The following POLR3G variants were observed in gnomAD, a reference collection of about 807,000 sequenced individuals.
POLR3G encodes the protein DNA-directed RNA polymerase III subunit RPC7.
A neutral mutation model predicts 30.1 loss-of-function variants in POLR3G; 28 were observed. That is an observed-to-expected ratio of 0.93 (90% CI 0.69 to 1.27). POLR3G has a LOEUF of 1.27. Among genes scored for constraint, POLR3G ranks in the 50% most tolerant of loss-of-function variants. The pLI is 0.00. For missense variants in POLR3G, 254 were observed against 264.6 expected (o/e 0.96, Z 0.28); for synonymous variants, 79 against 82.5 (o/e 0.96, Z 0.23).
At position 90,508,723 on chromosome 5, in the gene POLR3G, C is replaced by T. The variant is rs1752605613; in HGVS notation, c.585+2049C>T. ...TAGACAAATTTTAGCCTTTATGTCACTTAACTTTTTTGCAGCATTTAACAC... is the reference window on the plus strand; with the variant it reads ...TAGACAAATTTTAGCCTTTATGTCATTTAACTTTTTTGCAGCATTTAACAC... On this transcript the variant is annotated intron_variant, in intron 7 of 7. Coordinates refer to ENST00000651687, the MANE Select transcript of POLR3G (RefSeq NM_006467.3). 2.0e-5 allele frequency among the ~76,000 whole-genome samples: 3 copies of T among 152,056 alleles called. No individual in the cohort carries two copies. In the South Asian group the frequency reaches 6.2e-4, roughly 31 times the overall value.
At chr5:90,479,305 T>C (rs918416122) in intron 1 of POLR3G, among the ~76,000 whole-genome samples, 3 of 152,088 alleles carry the variant, frequency 2.0e-5, no homozygotes, top group East Asian at 3.9e-4. Flanking sequence ...AACCCCCATC[T>C]TTACTAAAAA....
upstream of POLR3G, chr5:90,474,229 G>T (rs775895857): frequency 1.2e-6 from 2 of 1,613,420 alleles, no homozygotes. Context: ...TCGTAGAAAC[G>T]TTCTTGAATC....
At chr5:90,492,631 C>G (rs1751780523) in intron 3 of POLR3G, among the ~76,000 whole-genome samples, 1 of 151,960 alleles carries the variant, frequency 6.6e-6, no homozygotes, top group Non-Finnish European at 1.5e-5. Context: ...CCCTGTAATC[C>G]CAGCACTTTG....
In POLR3G at chr5:90,474,910, G is replaced by C. The variant is rs924273770; in HGVS notation, c.-154G>C. On this transcript the variant is annotated 5_prime_UTR_variant, in exon 1 of 8. Transcript: ENST00000651687. ...GTGCAGGTCGGTGCGCGCTTCTCCCGAGGTGGAACGGGCGGCAGTCAAGCG... is the reference window on the plus strand; with the variant it reads ...GTGCAGGTCGGTGCGCGCTTCTCCCCAGGTGGAACGGGCGGCAGTCAAGCG... 1 of 152,582 alleles carries C rather than the reference G, an allele frequency of 6.6e-6. No individual in the cohort carries two copies. Among genetic ancestry groups the C allele is most frequent in the East Asian group, 1.9e-4 (1 of 5,176 alleles). The allele number at this position is 152,582 out of a possible 1,614,324, so 9.5% of individuals were successfully genotyped here.
intron 1 of POLR3G, among the ~76,000 whole-genome samples, chr5:90,481,058 G>T (rs1343372985): frequency 6.6e-6 from 1 of 152,122 alleles, no homozygotes; most frequent in Non-Finnish European, 1.5e-5. Context: ...AAGAGAAATT[G>T]ATCCCTGGTG....
chr5:90,483,142 T>TGA (rs1751232073), intron 1 of POLR3G, among the ~76,000 whole-genome samples: 1 of 16,060 alleles, frequency 6.2e-5, no homozygotes, highest in African/African-American at 1.7e-4. Context: ...CTCCTCCGTC[T>TGA]CAAAAAAAAA....
chr5:90,475,935 T>C (rs1402065764), intron 1 of POLR3G, among the ~76,000 whole-genome samples: 1 of 152,190 alleles, frequency 6.6e-6, no homozygotes, highest in Non-Finnish European at 1.5e-5. Context: ...GGTCTTGAAC[T>C]CCTGACCTCA....
chr5:90,485,783 C>G, intron 2 of POLR3G, 99 bp downstream of exon 2: 1 of 748,040 alleles, frequency 1.3e-6, no homozygotes, highest in East Asian at 2.6e-5. Context: ...ATAGCATCCT[C>G]AAGTATAAGA....
intron 1 of POLR3G, among the ~76,000 whole-genome samples, chr5:90,477,592 G>C (rs1333477350): frequency 6.6e-6 from 1 of 152,044 alleles, no homozygotes; most frequent in African/African-American, 2.4e-5. Flanking sequence ...GCAATTTAGG[G>C]GTCATTCATC....
At position 90,513,849 on chromosome 5, in the gene POLR3G, G is replaced by A. The variant is rs1056183687; in HGVS notation, c.*1710G>A. The A allele has an allele frequency of 6.6e-6, 1 of 152,108 alleles. No individual in the cohort carries two copies. Among genetic ancestry groups the A allele is most frequent in the Admixed American group, 6.5e-5 (1 of 15,268 alleles). 9.4% of individuals were successfully genotyped at this position (152,108 alleles called of 1,614,324 possible). On this transcript the variant is annotated 3_prime_UTR_variant, in exon 8 of 8. Transcript: ENST00000651687. ...AACCTCACAAAAAGTTGTCATTTGC[G>A]GTTGATAATTAACATAGGTGTTTTA...
chr5:90,494,394 A>G (rs1434783390), intron 3 of POLR3G, among the ~76,000 whole-genome samples: 3 of 152,206 alleles, frequency 2.0e-5, no homozygotes, highest in Non-Finnish European at 2.9e-5. Flanking sequence ...ATGTGAAGAC[A>G]TGTTTTCATT....
At chr5:90,486,296 C>T (rs112586415) in intron 2 of POLR3G, among the ~76,000 whole-genome samples, 20 of 152,198 alleles carry the variant, frequency 1.3e-4, no homozygotes, top group Middle Eastern at 3.4e-3. Flanking sequence ...TGATATTCAG[C>T]GCAGCATAAA....
At chr5:90,476,845 G>C (rs564597425) in intron 1 of POLR3G, among the ~76,000 whole-genome samples, 2 of 152,226 alleles carry the variant, frequency 1.3e-5, no homozygotes, top group East Asian at 3.9e-4. Flanking sequence ...GACTTCTTCA[G>C]CCACCCTTTC....
intron 3 of POLR3G, among the ~76,000 whole-genome samples, chr5:90,493,362 G>A (rs957717311): frequency 3.3e-5 from 5 of 151,690 alleles, no homozygotes; most frequent in Non-Finnish European, 4.4e-5. Context: ...TCCTCCCACC[G>A]TAGCCTCCCA....
rs752060333 is a variant in POLR3G at position 90,480,254 on chromosome 5, T to C, written c.-44+5234T>C. 9.8e-5 allele frequency among the ~76,000 whole-genome samples: 15 copies of C among 152,340 alleles called. No individual in the cohort carries two copies. The South Asian group carries it at 1.2e-3, about 13-fold the overall frequency. On this transcript the variant is annotated intron_variant, in intron 1 of 7. Transcript: ENST00000651687. ...GTGGTTAACTCAACCACAGTCTCAC[T>C]TGTAGGCTGTTTCTTTCATGATACA...
At chr5:90,474,119 G>C (rs1370178648), upstream of POLR3G, 1 of 1,582,146 alleles carries the variant, frequency 6.3e-7, no homozygotes, top group South Asian at 1.1e-5. Context: ...GGCCGGAGGA[G>C]TACAGGTACT....
chr5:90,510,874 A>T (rs541944252), intron 7 of POLR3G, among the ~76,000 whole-genome samples: 5 of 152,294 alleles, frequency 3.3e-5, no homozygotes, highest in African/African-American at 1.2e-4. Flanking sequence ...GATTTAAAAA[A>T]AAAAAAAAAC....
At chr5:90,508,419 T>A (rs1752591114) in intron 7 of POLR3G, among the ~76,000 whole-genome samples, 1 of 151,988 alleles carries the variant, frequency 6.6e-6, no homozygotes, top group African/African-American at 2.4e-5. Flanking sequence ...CCTCCAGTCA[T>A]TTCCCTTTCC....
intron 6 of POLR3G, among the ~76,000 whole-genome samples, chr5:90,503,162 G>A (rs1752333736): frequency 1.3e-5 from 2 of 152,278 alleles, no homozygotes; most frequent in Admixed American, 6.5e-5. Flanking sequence ...CCTCCTTGAT[G>A]AGCTCTTTAC....
Sources: gnomAD v4.1 joint callset for allele counts (sites outside exome capture counted in the v4.1 genomes callset) on GRCh38, gnomAD v4.1.1 for gene constraint, MANE v1.5 for transcripts, NCBI Gene and HGNC (gene_info 2026-07-23, HGNC 2026-07-21) for gene names.